The following SCGB2B2 variants were observed in gnomAD, a reference collection of about 807,000 sequenced individuals.
SCGB2B2 encodes the protein secretoglobin-like protein.
Under a neutral mutation model 7.6 loss-of-function variants are expected in SCGB2B2, and 11 were observed. The observed-to-expected ratio is 1.45, with a 90% CI of 0.91 to 2.40. The LOEUF is 2.40. Among genes scored for constraint, SCGB2B2 ranks in the 30% most tolerant of loss-of-function variants. The pLI, the probability that SCGB2B2 is intolerant of heterozygous loss-of-function variation, is 0.00. For synonymous variants in SCGB2B2, 50 were observed against 48.6 expected, an observed-to-expected ratio of 1.03 and a Z score of -0.12; for missense variants, 104 against 115.4, an observed-to-expected ratio of 0.90 and a Z score of 0.45.
intron 1 of SCGB2B2, among the ~76,000 whole-genome samples, chr19:34,668,384 C>T (rs1380577502): frequency 6.6e-6 from 1 of 152,212 alleles, no homozygotes; most frequent in Non-Finnish European, 1.5e-5. Flanking sequence ...AGCTGCCTTC[C>T]GGCGGGGCAG....
chr19:34,590,579 T>C (rs753884418), downstream of SCGB2B2, among the ~76,000 whole-genome samples: 4 of 152,244 alleles, frequency 2.6e-5, no homozygotes, highest in African/African-American at 4.8e-5. Flanking sequence ...GGCATTTCTG[T>C]GGGTGCCGGA....
intron 1 of SCGB2B2, among the ~76,000 whole-genome samples, chr19:34,661,009 C>T (rs886569158): frequency 6.6e-6 from 1 of 151,032 alleles, no homozygotes; most frequent in African/African-American, 2.4e-5. Flanking sequence ...TCATTCTCAG[C>T]AAATTATCAC....
intron 1 of SCGB2B2, among the ~76,000 whole-genome samples, chr19:34,647,016 C>T (rs762818290): frequency 5.9e-5 from 9 of 152,144 alleles, no homozygotes; most frequent in African/African-American, 1.2e-4. Flanking sequence ...AACCCCACCC[C>T]GCCTTGACCC....
chr19:34,638,428 G>A (rs1336074504), intron 1 of SCGB2B2, among the ~76,000 whole-genome samples: 1 of 151,570 alleles, frequency 6.6e-6, no homozygotes, highest in East Asian at 1.9e-4. Context: ...GGATGACAGA[G>A]GAAGATCCTG....
intron 1 of SCGB2B2, among the ~76,000 whole-genome samples, chr19:34,597,489 A>G (rs984698845): frequency 2.0e-5 from 3 of 152,180 alleles, no homozygotes; most frequent in Non-Finnish European, 2.9e-5. Context: ...ACTTTCAGCC[A>G]TCTCAGCCTC....
At chr19:34,623,499 G>A (rs1033522169) in intron 1 of SCGB2B2, among the ~76,000 whole-genome samples, 5 of 152,122 alleles carry the variant, frequency 3.3e-5, no homozygotes, top group South Asian at 2.1e-4. Flanking sequence ...CATCAATTGT[G>A]CTGCCCATGG....
chr19:34,625,531 C>T (rs1306592534), intron 1 of SCGB2B2, among the ~76,000 whole-genome samples: 1 of 152,212 alleles, frequency 6.6e-6, no homozygotes, highest in Admixed American at 6.5e-5. Flanking sequence ...GCTAGCACAG[C>T]AGTCTGAGAT....
Position 34,618,068 on chromosome 19 carries a change from T to A in SCGB2B2, c.-2031-21474A>T, listed in dbSNP as rs2066139145. On this transcript the variant is annotated intron_variant, in intron 1 of 3. Coordinates refer to ENST00000601241, the MANE Select transcript of SCGB2B2 (RefSeq NM_001025591.4). ...AGTGAGATGAACCCGGTACCTCAGA[T>A]GGAAATGCAGAAATCACTCGTCTTC... 3.9e-5 allele frequency among the ~76,000 whole-genome samples: 6 copies of A among 152,294 alleles called. No homozygotes were observed. The South Asian group carries it at 1.2e-3, about 32-fold the overall frequency.
At chr19:34,669,086 C>T (rs946521603) in intron 1 of SCGB2B2, among the ~76,000 whole-genome samples, 1 of 152,146 alleles carries the variant, frequency 6.6e-6, no homozygotes, top group Non-Finnish European at 1.5e-5. Flanking sequence ...TGCAGCTTCA[C>T]TCCTGAAGCC....
chr19:34,609,514 C>T (rs2065873923), intron 1 of SCGB2B2, among the ~76,000 whole-genome samples: 1 of 151,934 alleles, frequency 6.6e-6, no homozygotes, highest in African/African-American at 2.4e-5. Flanking sequence ...AGATGGATGT[C>T]TGGTTTCATA....
chr19:34,639,399 A>G (rs1291265033), intron 1 of SCGB2B2, among the ~76,000 whole-genome samples: 1 of 152,204 alleles, frequency 6.6e-6, no homozygotes, highest in African/African-American at 2.4e-5. Flanking sequence ...ACTACCAAAT[A>G]TAGAAAACAC....
At chr19:34,588,963 G>T (rs1396229621), downstream of SCGB2B2, among the ~76,000 whole-genome samples, 1 of 152,180 alleles carries the variant, frequency 6.6e-6, no homozygotes, top group Non-Finnish European at 1.5e-5. Flanking sequence ...GGTGTACAGA[G>T]GGAGGGTGGA....
At chr19:34,631,908 A>T (rs533796583) in intron 1 of SCGB2B2, 1 of 152,298 alleles carries the variant, frequency 6.6e-6, no homozygotes, top group African/African-American at 2.4e-5. Context: ...GTTAAATAAG[A>T]CTTTAAAATA....
intron 1 of SCGB2B2, among the ~76,000 whole-genome samples, chr19:34,631,299 TTA>T (rs1179285000): frequency 4.1e-5 from 6 of 145,702 alleles, no homozygotes; most frequent in Non-Finnish European, 7.4e-5. Flanking sequence ...TCTTAGAACA[TTA>T]TGAGTTTTTT....
rs2065310375 is a variant in SCGB2B2, at chr19:34,592,080, G to A, written c.*1475C>T. ...AAGTGCATTAAATGAGGCCAATTCTGGGGACAGAGGGGAGATGATGTGTCC... is the reference window on the plus strand; with the variant it reads ...AAGTGCATTAAATGAGGCCAATTCTAGGGACAGAGGGGAGATGATGTGTCC... On this transcript the variant is annotated 3_prime_UTR_variant, in exon 4 of 4. Transcript: ENST00000601241. Among the ~76,000 whole-genome samples, 1 of 152,136 alleles carries A rather than the reference G, an allele frequency of 6.6e-6. No individual in the cohort carries two copies. The highest frequency in any genetic ancestry group is 1.5e-5 in the Non-Finnish European group (1 of 68,022).
chr19:34,645,992 G>T, intron 1 of SCGB2B2: 1 of 330,062 alleles, frequency 3.0e-6, no homozygotes, highest in South Asian at 2.9e-5. Flanking sequence ...CCCTGACAGA[G>T]GAGTCCTTCC....
At chr19:34,599,258 G>GA (rs1265855287) in intron 1 of SCGB2B2, among the ~76,000 whole-genome samples, 2 of 152,222 alleles carry the variant, frequency 1.3e-5, no homozygotes, top group East Asian at 1.9e-4. Flanking sequence ...GGGATGGGTG[G>GA]GGAGGACGAC....
chr19:34,610,165 T>C (rs1414542643), intron 1 of SCGB2B2, among the ~76,000 whole-genome samples: 1 of 152,136 alleles, frequency 6.6e-6, no homozygotes, highest in Non-Finnish European at 1.5e-5. Flanking sequence ...TTTTGTATCA[T>C]GTGCCTTTAC....
At chr19:34,609,109 G>A (rs2065862013) in intron 1 of SCGB2B2, among the ~76,000 whole-genome samples, 1 of 151,918 alleles carries the variant, frequency 6.6e-6, no homozygotes, top group Non-Finnish European at 1.5e-5. Context: ...TTGACCATTT[G>A]TATGTCATCT....
Sources: gnomAD v4.1 joint callset for allele counts (sites outside exome capture counted in the v4.1 genomes callset) on GRCh38, gnomAD v4.1.1 for gene constraint, MANE v1.5 for transcripts, NCBI Gene and HGNC (gene_info 2026-07-23, HGNC 2026-07-21) for gene names.